Variants in KIRREL3 observed in about 807,000 individuals in gnomAD.
KIRREL3 encodes kirre like nephrin family adhesion molecule 3.
In KIRREL3, 36 loss-of-function variants were observed where a neutral mutation model predicts 89.7. The observed-to-expected ratio is 0.40, with a 90% CI of 0.31 to 0.53. KIRREL3 has a LOEUF of 0.53. KIRREL3 is among the 20% of genes least tolerant of loss of function. The pLI is 0.49. For synonymous variants in KIRREL3, 445 were observed against 441.4 expected (o/e 1.01, Z -0.10); for missense variants, 864 against 1,056.6 (o/e 0.82, Z 2.53).
Position 126,766,483 on chromosome 11 carries a change from A to T in KIRREL3, c.56-203571T>A, listed in dbSNP as rs1014145675. 3.3e-5 allele frequency among the ~76,000 whole-genome samples: 5 copies of T among 152,072 alleles called. No individual in the cohort carries two copies. Among genetic ancestry groups the T allele is most frequent in the African/African-American group, 1.2e-4 (5 of 41,398 alleles). On this transcript the variant is annotated intron_variant, in intron 1 of 16. Transcript: ENST00000525144. The surrounding 1 kb of genome is among the most constrained non-coding windows in gnomAD (Gnocchi z 4.2). ...CCTTTTCTTTCTCTTTTATTCTATTAAAAAGGTAAGTGAGCACACAACCGC... is the reference window on the plus strand; with the variant it reads ...CCTTTTCTTTCTCTTTTATTCTATTTAAAAGGTAAGTGAGCACACAACCGC...
Position 126,424,809 on chromosome 11 carries a change from G to A in KIRREL3, c.2108C>T (p.Ser703Phe). 2 of 1,614,050 alleles carry A rather than the reference G, an allele frequency of 1.2e-6. No homozygotes were observed. Among genetic ancestry groups the A allele is most frequent in the South Asian group, 1.1e-5 (1 of 91,088 alleles). Reference protein sequence around the residue: ...QRFVLGMGSSSIELCEREFQR... With the variant: ...QRFVLGMGSSFIELCEREFQR... ...GAACTCCCGCTCACAAAGCTCGATG[G>A]ACGAGCTGCCCATGCCCAGCACAAA... is the stretch of plus-strand genomic sequence containing the variant. Residue 703 changes from serine to phenylalanine, a missense_variant, in exon 17 of 17, where the codon TCC becomes TTC. Transcript: ENST00000525144.
chr11:126,898,321 T>G lies in KIRREL3; in HGVS notation c.55+102134A>C, dbSNP rs1946246057. Among the ~76,000 whole-genome samples the G allele has an allele frequency of 6.6e-6, 1 of 152,204 alleles. No individual in the cohort carries two copies. Among genetic ancestry groups the G allele is most frequent in the African/African-American group, 2.4e-5 (1 of 41,450 alleles). On this transcript the variant is annotated intron_variant, in intron 1 of 16. Coordinates refer to ENST00000525144, the MANE Select transcript of KIRREL3 (RefSeq NM_032531.4). This position sits in a 1 kb window ranked among gnomAD's most constrained non-coding sequence, Gnocchi z 4.9. ...AACTGCTCTGAACCAGTGTTGAGAA[T>G]ATAAACTGGTCGGATATTTTAGAAT...
chr11:126,672,543 G>A (rs1946002127), intron 1 of KIRREL3, among the ~76,000 whole-genome samples: 1 of 152,226 alleles, frequency 6.6e-6, no homozygotes, highest in African/African-American at 2.4e-5. Flanking sequence ...AAGAGCAGTA[G>A]TTGCCAGGGG....
Position 126,427,890 on chromosome 11 carries a change from A to G in KIRREL3, c.1806+1289T>C, listed in dbSNP as rs77788846. On this transcript the variant is annotated intron_variant, in intron 15 of 16. Coordinates refer to ENST00000525144, the MANE Select transcript of KIRREL3 (RefSeq NM_032531.4). The surrounding 1 kb of genome is among the most constrained non-coding windows in gnomAD (Gnocchi z 5.3). ...TGATGAGGCCTGAAGTAAAGAAGTG[A>G]TGGTGGAGGACAGGTGGGGCACACA... 6.0e-3 allele frequency among the ~76,000 whole-genome samples: 912 copies of G among 152,298 alleles called. 8 individuals are homozygous for G. Among genetic ancestry groups the G allele is most frequent in the African/African-American group, 0.02 (820 of 41,570 alleles).
intron 2 of KIRREL3, among the ~76,000 whole-genome samples, chr11:126,540,176 A>G (rs1382343883): frequency 6.6e-6 from 1 of 152,220 alleles, no homozygotes; most frequent in Non-Finnish European, 1.5e-5. Context: ...AGAGACAAAG[A>G]AACACTTTCC....
chr11:126,426,164 A>T (rs1434647096), intron 15 of KIRREL3, among the ~76,000 whole-genome samples: 1 of 152,230 alleles, frequency 6.6e-6, no homozygotes, highest in Non-Finnish European at 1.5e-5. Context: ...AAATAATTTC[A>T]GAATGTCAGT....
chr11:126,673,804 A>G (rs1395577742), intron 1 of KIRREL3, among the ~76,000 whole-genome samples: 1 of 152,226 alleles, frequency 6.6e-6, no homozygotes, highest in Non-Finnish European at 1.5e-5. Flanking sequence ...AGAAGCAATG[A>G]AAGAAGCTCT....
At chr11:126,950,556 G>A (rs1413554836) in intron 1 of KIRREL3, among the ~76,000 whole-genome samples, 1 of 152,140 alleles carries the variant, frequency 6.6e-6, no homozygotes, top group Non-Finnish European at 1.5e-5. Context: ...GTGTCCCATT[G>A]TTCATTCTTA....
At chr11:126,618,948 G>A (rs1037853589) in intron 1 of KIRREL3, among the ~76,000 whole-genome samples, 1 of 152,206 alleles carries the variant, frequency 6.6e-6, no homozygotes, top group Non-Finnish European at 1.5e-5. Context: ...TCCACTGTGT[G>A]TCAGGTACTA....
At chr11:126,959,555 A>C (rs1233507083) in intron 1 of KIRREL3, among the ~76,000 whole-genome samples, 3 of 152,154 alleles carry the variant, frequency 2.0e-5, no homozygotes, top group Non-Finnish European at 2.9e-5. Flanking sequence ...ATGTTGGAAA[A>C]TTCCAAATGT....
rs546063097 is a variant in KIRREL3 at position 126,720,085 on chromosome 11, A to G, written c.56-157173T>C. Among the ~76,000 whole-genome samples the G allele has an allele frequency of 7.9e-5, 12 of 152,044 alleles. No individual in the cohort carries two copies. In the South Asian group the frequency reaches 2.5e-3, roughly 32 times the overall value. On this transcript the variant is annotated intron_variant, in intron 1 of 16. Transcript: ENST00000525144. Reference sequence around the variant, plus strand: ...CCTCTTCAGCTTCTTGGTCCTTACTATTTTTCCTGCCTCTTGACTTTGTCT... The same window carrying G: ...CCTCTTCAGCTTCTTGGTCCTTACTGTTTTTCCTGCCTCTTGACTTTGTCT...
At chr11:126,426,982 C>T (rs1186086309) in intron 15 of KIRREL3, among the ~76,000 whole-genome samples, 1 of 152,158 alleles carries the variant, frequency 6.6e-6, no homozygotes, top group Admixed American at 6.5e-5. Flanking sequence ...ATGACGATAT[C>T]CTCAAGGGGT....
chr11:126,848,178 C>T (rs1002381736), intron 1 of KIRREL3, among the ~76,000 whole-genome samples: 6 of 152,164 alleles, frequency 3.9e-5, no homozygotes, highest in Non-Finnish European at 5.9e-5. Flanking sequence ...AAACCCACCG[C>T]AGGGCTTGGC....
chr11:126,923,636 G>A (rs1462406936), intron 1 of KIRREL3, among the ~76,000 whole-genome samples: 1 of 151,856 alleles, frequency 6.6e-6, no homozygotes, highest in Non-Finnish European at 1.5e-5. Flanking sequence ...TAGAGATGGG[G>A]TTTCACCATG....
In KIRREL3 at chr11:126,763,403, C is replaced by T. The variant is rs1217906073; in HGVS notation, c.56-200491G>A. Among the ~76,000 whole-genome samples, 1 of 152,208 alleles carries T rather than the reference C, an allele frequency of 6.6e-6. No homozygotes were observed. The highest frequency in any genetic ancestry group is 2.4e-5 in the African/African-American group (1 of 41,460). On this transcript the variant is annotated intron_variant, in intron 1 of 16. Coordinates refer to ENST00000525144, the MANE Select transcript of KIRREL3 (RefSeq NM_032531.4). This position sits in a 1 kb window ranked among gnomAD's most constrained non-coding sequence, Gnocchi z 4.7. The stretch of plus-strand genomic sequence containing the variant: ...TCCATCTGCTCAGCACCCAACAGTG[C>T]TCTGATGCAGGGGGAGAAGAGCAGG...
intron 1 of KIRREL3, among the ~76,000 whole-genome samples, chr11:126,886,115 T>C (rs1278056405): frequency 6.6e-6 from 1 of 152,206 alleles, no homozygotes; most frequent in Non-Finnish European, 1.5e-5. Flanking sequence ...TTCCTGTTAG[T>C]CCTAGTGAAG....
chr11:126,774,173 T>C (rs1950102989), intron 1 of KIRREL3, among the ~76,000 whole-genome samples: 1 of 151,808 alleles, frequency 6.6e-6, no homozygotes, highest in Non-Finnish European at 1.5e-5. Flanking sequence ...GCTTTTTTTT[T>C]TTTTTTTTTT....
chr11:126,868,186 A>T (rs1415880211), intron 1 of KIRREL3, among the ~76,000 whole-genome samples: 7 of 152,190 alleles, frequency 4.6e-5, no homozygotes, highest in African/African-American at 1.7e-4. Context: ...GGCATACCAC[A>T]CACATGGAGG....
chr11:126,491,850 C>T lies in KIRREL3; in HGVS notation c.434-18384G>A, dbSNP rs1010425953. On this transcript the variant is annotated intron_variant, in intron 4 of 16. Transcript: ENST00000525144. This position sits in a 1 kb window ranked among gnomAD's most constrained non-coding sequence, Gnocchi z 5.5. ...CTGAGTAGCTGGGACTACAGGCGCG[C>T]ACCACCATGCCTGGCTAATTTTTGT... Among the ~76,000 whole-genome samples, 8 of 152,062 alleles carry T rather than the reference C, an allele frequency of 5.3e-5. No individual in the cohort carries two copies. The highest frequency in any genetic ancestry group is 1.7e-4 in the African/African-American group (7 of 41,396).
Sources: gnomAD v4.1 joint callset for allele counts (sites outside exome capture counted in the v4.1 genomes callset) on GRCh38, gnomAD v4.1.1 for gene constraint, Gnocchi (gnomAD v3.1) non-coding constraint, MANE v1.5 for transcripts, NCBI Gene and HGNC (gene_info 2026-07-23, HGNC 2026-07-21) for gene names.